The following MAML2 variants were observed in gnomAD, a reference collection of about 807,000 sequenced individuals.
The protein encoded by MAML2 is mastermind-like protein 2.
Under a neutral mutation model 96.1 loss-of-function variants are expected in MAML2, and 22 were observed. The observed-to-expected ratio is 0.23, with a 90% CI of 0.16 to 0.33. The LOEUF is 0.33. MAML2 is among the 10% of genes least tolerant of loss of function. The probability of loss-of-function intolerance (pLI) is 1.00; values close to 1 mark genes in which losing one functional copy is unlikely to be tolerated. For missense variants in MAML2, 1,367 were observed against 1,392.4 expected, an observed-to-expected ratio of 0.98 and a Z score of 0.29; for synonymous variants, 561 against 521.3, an observed-to-expected ratio of 1.08 and a Z score of -1.04.
chr11:96,086,369 G>A (rs144925502), intron 2 of MAML2, among the ~76,000 whole-genome samples: 1,985 of 152,224 alleles, frequency 0.013, 31 homozygotes, highest in Middle Eastern at 0.041. Context: ...TAAAGAGAAA[G>A]AGAATGAATG....
At chr11:96,036,963 A>C (rs1269378081) in intron 2 of MAML2, among the ~76,000 whole-genome samples, 1 of 152,194 alleles carries the variant, frequency 6.6e-6, no homozygotes, top group African/African-American at 2.4e-5. Flanking sequence ...GATAAGTGAA[A>C]GCGGAGTAGA....
In MAML2 at chr11:96,149,432, A is replaced by AAT. The variant is rs59453325; in HGVS notation, c.514-55916_514-55915insAT. Reference sequence around the variant, plus strand: ...ACTCCGTCACAAAAAAAAAAAAAAAATGAGAAGTTAAGTTTTCAGCCAGGC... The same window carrying AAT: ...ACTCCGTCACAAAAAAAAAAAAAAAAATTGAGAAGTTAAGTTTTCAGCCAGGC... On this transcript the variant is annotated intron_variant, in intron 1 of 4. Transcript: ENST00000524717. Among the ~76,000 whole-genome samples, 8 of 112,582 alleles carry AAT rather than the reference A, an allele frequency of 7.1e-5. 2 individuals are homozygous for AAT. The highest frequency in any genetic ancestry group is 2.2e-4 in the Admixed American group (2 of 9,284). The allele number at this position is 112,582 out of a possible 152,430, so 73.9% of individuals were successfully genotyped here. A position where few individuals can be genotyped will look rare whatever the true frequency, so the allele number is the denominator to read the frequency against.
intron 2 of MAML2, among the ~76,000 whole-genome samples, chr11:96,055,823 A>G (rs1859057415): frequency 6.6e-6 from 1 of 152,262 alleles, no homozygotes; most frequent in Non-Finnish European, 1.5e-5. Flanking sequence ...TACATTTAAA[A>G]GATCACTTTG....
At chr11:96,196,423 G>C (rs1861732749) in intron 1 of MAML2, among the ~76,000 whole-genome samples, 1 of 152,206 alleles carries the variant, frequency 6.6e-6, no homozygotes, top group African/African-American at 2.4e-5. Flanking sequence ...ATGCTATCTT[G>C]TTTTCCTGGA....
chr11:96,065,020 T>C (rs1859223351), intron 2 of MAML2, among the ~76,000 whole-genome samples: 2 of 152,216 alleles, frequency 1.3e-5, no homozygotes, highest in Non-Finnish European at 2.9e-5. Flanking sequence ...AACAAAGTAC[T>C]GTGTTCTTAA....
intron 1 of MAML2, among the ~76,000 whole-genome samples, chr11:96,234,202 C>T (rs1862335777): frequency 6.6e-6 from 1 of 152,148 alleles, no homozygotes. Flanking sequence ...GATAACAGAG[C>T]CAGGCATGGT....
chr11:96,018,304 G>A (rs1207701752), intron 2 of MAML2, among the ~76,000 whole-genome samples: 1 of 152,190 alleles, frequency 6.6e-6, no homozygotes, highest in East Asian at 1.9e-4. Flanking sequence ...TCCAAGTGGA[G>A]ATGTCAGGAA....
intron 2 of MAML2, among the ~76,000 whole-genome samples, chr11:96,044,941 C>T (rs2135759830): frequency 1.3e-5 from 2 of 152,296 alleles, no homozygotes; most frequent in East Asian, 3.9e-4. Context: ...GTGTGAGTCT[C>T]TTGATCATGC....
chr11:96,337,188 A>C (rs1003372309), intron 1 of MAML2, among the ~76,000 whole-genome samples: 1 of 152,180 alleles, frequency 6.6e-6, no homozygotes, highest in African/African-American at 2.4e-5. Flanking sequence ...AAAATAGGTC[A>C]GTTTTTAAGG....
At chr11:96,208,734 G>C (rs1861927903) in intron 1 of MAML2, among the ~76,000 whole-genome samples, 1 of 151,994 alleles carries the variant, frequency 6.6e-6, no homozygotes, top group Admixed American at 6.5e-5. Context: ...TGAATTGCCA[G>C]AAAAAGAACT....
At chr11:95,982,341 G>A (rs1459803790) in intron 4 of MAML2, among the ~76,000 whole-genome samples, 1 of 134,802 alleles carries the variant, frequency 7.4e-6, no homozygotes, top group Non-Finnish European at 1.6e-5. Context: ...GCCTTCTTTA[G>A]AAACAGAGCA....
intron 2 of MAML2, among the ~76,000 whole-genome samples, chr11:96,053,366 TATAA>T (rs1859016368): frequency 6.6e-6 from 1 of 152,196 alleles, no homozygotes; most frequent in African/African-American, 2.4e-5. Context: ...ATGGAAGCAA[TATAA>T]ATAAACACAA....
intron 1 of MAML2, among the ~76,000 whole-genome samples, chr11:96,116,641 G>A (rs1197797913): frequency 6.6e-6 from 1 of 152,218 alleles, no homozygotes; most frequent in African/African-American, 2.4e-5. Flanking sequence ...GGATTGGGAG[G>A]AAGAAGGTGG....
chr11:96,319,583 A>G (rs11606623), intron 1 of MAML2, among the ~76,000 whole-genome samples: 12,977 of 152,184 alleles, frequency 0.085, 765 homozygotes, highest in African/African-American at 0.17. Context: ...AACACAAGAT[A>G]TATTTTTATG....
chr11:96,183,482 T>C (rs541657459), intron 1 of MAML2, among the ~76,000 whole-genome samples: 20 of 145,438 alleles, frequency 1.4e-4, no homozygotes, highest in African/African-American at 5.0e-4. Flanking sequence ...ACTGCAGCCT[T>C]GACCTCCTGG....
chr11:96,215,378 T>C (rs955332416), intron 1 of MAML2, among the ~76,000 whole-genome samples: 2 of 152,208 alleles, frequency 1.3e-5, no homozygotes, highest in Admixed American at 6.5e-5. Context: ...CACAGAAGAT[T>C]TCAGATCATA....
At chr11:96,077,765 C>T (rs4558129) in intron 2 of MAML2, among the ~76,000 whole-genome samples, 60,031 of 152,028 alleles carry the variant, frequency 0.39, 12,297 homozygotes, top group African/African-American at 0.46. Flanking sequence ...CTGGGTGTGG[C>T]TGCAGCGGTG....
chr11:96,141,412 T>C (rs1049855134), intron 1 of MAML2, among the ~76,000 whole-genome samples: 4 of 152,130 alleles, frequency 2.6e-5, no homozygotes, highest in Non-Finnish European at 5.9e-5. Flanking sequence ...GCACAGATAG[T>C]TCTTTATCTT....
chr11:96,084,252 C>T (rs769488656), intron 2 of MAML2, among the ~76,000 whole-genome samples: 2 of 152,000 alleles, frequency 1.3e-5, no homozygotes, highest in African/African-American at 2.4e-5. Flanking sequence ...TTATAAGCTG[C>T]CTATGGAGTT....
Sources: gnomAD v4.1 joint callset for allele counts (sites outside exome capture counted in the v4.1 genomes callset) on GRCh38, gnomAD v4.1.1 for gene constraint, MANE v1.5 for transcripts, NCBI Gene and HGNC (gene_info 2026-07-23, HGNC 2026-07-21) for gene names.